ROBO2: variants seen among roughly 807,000 people sequenced by gnomAD.
ROBO2 encodes roundabout guidance receptor 2.
Under a neutral mutation model 160.8 loss-of-function variants are expected in ROBO2, and 53 were observed. The observed-to-expected ratio is 0.33, with a 90% CI of 0.26 to 0.41. The LOEUF is 0.41. Ranked by LOEUF, ROBO2 falls within the 10% of genes least tolerant of loss-of-function variation. The probability of loss-of-function intolerance (pLI) is 1.00; values close to 1 mark genes in which losing one functional copy is unlikely to be tolerated. For missense variants in ROBO2, 1,577 were observed against 1,722.4 expected, an observed-to-expected ratio of 0.92 and a Z score of 1.49; for synonymous variants, 664 against 611.7, an observed-to-expected ratio of 1.09 and a Z score of -1.26.
chr3:77,178,228 T>C (rs2080346877), intron 2 of ROBO2, among the ~76,000 whole-genome samples: 1 of 152,048 alleles, frequency 6.6e-6, no homozygotes, highest in Non-Finnish European at 1.5e-5. Context: ...GCATACTATT[T>C]CCATGCCATA....
intron 1 of ROBO2, among the ~76,000 whole-genome samples, chr3:77,072,707 A>G (rs1033539260): frequency 6.6e-6 from 1 of 152,210 alleles, no homozygotes; most frequent in African/African-American, 2.4e-5. Flanking sequence ...TTGCAAGTAT[A>G]TACCCAGTGC....
intron 2 of ROBO2, among the ~76,000 whole-genome samples, chr3:76,363,966 C>G (rs532815285): frequency 6.6e-6 from 1 of 152,204 alleles, no homozygotes; most frequent in South Asian, 2.1e-4. Context: ...TTTTATATAA[C>G]ATCAATCAAA....
chr3:77,491,557 A>C (rs997820244), intron 4 of ROBO2, among the ~76,000 whole-genome samples: 2 of 152,282 alleles, frequency 1.3e-5, no homozygotes, highest in East Asian at 1.9e-4. Context: ...TGCCAGCCCC[A>C]AAATAGCTGT....
intron 2 of ROBO2, among the ~76,000 whole-genome samples, chr3:76,390,143 C>T (rs2077076968): frequency 6.6e-6 from 1 of 152,082 alleles, no homozygotes; most frequent in Non-Finnish European, 1.5e-5. Context: ...ATAATTATAA[C>T]AGCTAACCTC....
intron 2 of ROBO2, among the ~76,000 whole-genome samples, chr3:76,280,177 G>A (rs2107665905): frequency 6.6e-6 from 1 of 152,058 alleles, no homozygotes; most frequent in African/African-American, 2.4e-5. Flanking sequence ...TGATATGTAT[G>A]AACATGCTTA....
At chr3:77,220,401 C>A (rs2151190769) in intron 2 of ROBO2, among the ~76,000 whole-genome samples, 1 of 152,010 alleles carries the variant, frequency 6.6e-6, no homozygotes, top group South Asian at 2.1e-4. Context: ...TATAGACATA[C>A]TAAGAGTAGG....
At chr3:77,493,198 A>G in intron 4 of ROBO2, 46 bp from the exon 5 acceptor site, 11 of 1,601,018 alleles carry the variant, frequency 6.9e-6, no homozygotes, top group Non-Finnish European at 9.4e-6. Context: ...TAAAGCATGC[A>G]TAATAGTTTA....
At chr3:76,742,080 C>T (rs944915948) in intron 2 of ROBO2, among the ~76,000 whole-genome samples, 15 of 151,994 alleles carry the variant, frequency 9.9e-5, no homozygotes, top group East Asian at 9.7e-4. Context: ...TCATTATATA[C>T]GAAGATTTGA....
chr3:76,843,390 T>C (rs1341222240), intron 2 of ROBO2, among the ~76,000 whole-genome samples: 2 of 151,908 alleles, frequency 1.3e-5, no homozygotes, highest in Non-Finnish European at 2.9e-5. Flanking sequence ...GTATAGTAAA[T>C]ATTTTATGAG....
intron 2 of ROBO2, among the ~76,000 whole-genome samples, chr3:77,196,324 G>A (rs1459369876): frequency 1.8e-5 from 2 of 110,422 alleles, no homozygotes; most frequent in African/African-American, 3.2e-5. Context: ...GAAATACCCT[G>A]CTTTTTTTTT....
At chr3:77,280,458 T>C (rs540443646) in intron 2 of ROBO2, among the ~76,000 whole-genome samples, 48 of 152,160 alleles carry the variant, frequency 3.2e-4, no homozygotes, top group Non-Finnish European at 6.5e-4. Context: ...AATAGGCAAC[T>C]GAGGACAGAA....
At chr3:76,999,142 A>G (rs960868228) in intron 2 of ROBO2, among the ~76,000 whole-genome samples, 19 of 151,894 alleles carry the variant, frequency 1.3e-4, no homozygotes, top group African/African-American at 4.6e-4. Context: ...CTACTGAGAG[A>G]AGAGAAGTTT....
chr3:76,719,861 G>C (rs2093437619), intron 2 of ROBO2, among the ~76,000 whole-genome samples: 2 of 146,486 alleles, frequency 1.4e-5, no homozygotes. Flanking sequence ...TCCAGCCTGG[G>C]TGACAGAGTG....
At chr3:76,538,071 T>A (rs1204368391) in intron 2 of ROBO2, among the ~76,000 whole-genome samples, 1 of 151,912 alleles carries the variant, frequency 6.6e-6, no homozygotes, top group Admixed American at 6.6e-5. Flanking sequence ...ATTTCGTGGC[T>A]CCTGCAGACC....
intron 2 of ROBO2, among the ~76,000 whole-genome samples, chr3:76,805,767 A>G (rs2064652911): frequency 6.6e-6 from 1 of 151,722 alleles, no homozygotes; most frequent in South Asian, 2.1e-4. Context: ...TACAGACTGA[A>G]CCTAAAATTT....
intron 2 of ROBO2, among the ~76,000 whole-genome samples, chr3:76,198,309 C>A (rs1415959279): frequency 6.6e-6 from 1 of 152,084 alleles, no homozygotes; most frequent in Non-Finnish European, 1.5e-5. Context: ...ATCACACCCT[C>A]CTCCCTTTGG....
At chr3:76,327,938 A>G (rs192616584) in intron 2 of ROBO2, among the ~76,000 whole-genome samples, 13 of 151,938 alleles carry the variant, frequency 8.6e-5, no homozygotes, top group East Asian at 5.8e-4. Context: ...TCATGTGGAA[A>G]TAGGAAAAGA....
chr3:76,833,919 TTTC>T (rs1197009151), intron 2 of ROBO2, among the ~76,000 whole-genome samples: 1 of 151,804 alleles, frequency 6.6e-6, no homozygotes. Flanking sequence ...CAGACTTTTT[TTTC>T]TTTTTTCCTT....
At chr3:77,484,718 C>A (rs1189075743) in intron 4 of ROBO2, among the ~76,000 whole-genome samples, 1 of 151,970 alleles carries the variant, frequency 6.6e-6, no homozygotes, top group Non-Finnish European at 1.5e-5. Flanking sequence ...CCCACCTTCT[C>A]ACCTCCACTT....
Sources: allele counts gnomAD v4.1 joint callset (sites outside exome capture counted in the v4.1 genomes callset), GRCh38; gene constraint gnomAD v4.1.1; transcripts MANE v1.5; gene names NCBI Gene and HGNC (gene_info 2026-07-23, HGNC 2026-07-21).